LAMP2: variants seen among roughly 807,000 people sequenced by gnomAD.
LAMP2 encodes the protein lysosome associated membrane protein 2.
LAMP2 carries 4 observed loss-of-function variants against 25.6 expected under a neutral mutation model. The observed-to-expected ratio is 0.16, with a 90% confidence interval of 0.08 to 0.36. LAMP2 has a LOEUF of 0.36. LAMP2 is among the 10% of genes least tolerant of loss of function. The pLI, the probability that LAMP2 is intolerant of heterozygous loss-of-function variation, is 1.00. For missense variants in LAMP2, 272 were observed against 301.4 expected (o/e 0.90, Z 0.72); for synonymous variants, 108 against 112.7 (o/e 0.96, Z 0.27).
In LAMP2 at chrX:120,431,282, T is replaced by C. The variant is rs903963937; in HGVS notation, c.*41A>G. The C allele has an allele frequency of 3.3e-6, 4 of 1,205,572 alleles. No homozygotes were observed. Among genetic ancestry groups the C allele is most frequent in the Non-Finnish European group, 4.5e-6 (4 of 891,256 alleles). On this transcript the variant is annotated 3_prime_UTR_variant, in exon 9 of 9. Coordinates refer to ENST00000200639, the MANE Select transcript of LAMP2 (RefSeq NM_002294.3). Reference sequence around the variant, plus strand: ...CAACTGAGAGGTAAGAAAATCTTGTTATTTGCATGTATTTTTATATAATCA... The same window carrying C: ...CAACTGAGAGGTAAGAAAATCTTGTCATTTGCATGTATTTTTATATAATCA...
chrX:120,426,446 T>C lies in LAMP2; in HGVS notation c.*4877A>G. Among the ~76,000 whole-genome samples, 2 of 109,894 alleles carry C rather than the reference T, an allele frequency of 1.8e-5. No homozygotes were observed. The stretch of plus-strand genomic sequence containing the variant: ...AACACTCAGCTCATAGATTTTGAGC[T>C]TCCTTTATCTTATTGGAGTTGAAGC... On this transcript the variant is annotated 3_prime_UTR_variant, in exon 9 of 9. Transcript: ENST00000200639.
At chrX:120,457,156 T>C (rs889497372) in intron 1 of LAMP2, among the ~76,000 whole-genome samples, 7 of 111,620 alleles carry the variant, frequency 6.3e-5, no homozygotes, top group East Asian at 2.8e-4. Flanking sequence ...TTTTAGGCAA[T>C]TACAGTTTGC....
intron 8 of LAMP2, among the ~76,000 whole-genome samples, chrX:120,432,788 G>A (rs1402923000): frequency 2.7e-5 from 3 of 111,145 alleles, no homozygotes; most frequent in Non-Finnish European, 3.8e-5. Context: ...TTTTAGATAT[G>A]TGAGTTTAAG....
At chrX:120,464,516 A>C (rs756561206) in intron 1 of LAMP2, among the ~76,000 whole-genome samples, 1 of 111,606 alleles carries the variant, frequency 9.0e-6, no homozygotes, top group South Asian at 3.7e-4. Context: ...GAAACAAAAA[A>C]GCGTGGAAAA....
rs1178109545 is a variant in LAMP2 at position 120,438,722 on chromosome X, ACACACAC to A, written c.1093+3001_1093+3007del. On this transcript the variant is annotated intron_variant, in intron 8 of 8. Transcript: ENST00000200639. ...CACACACACACACACACACACACACACACACACACAAAAAGAGCAAAAGGAGCAAGTA... is the reference window on the plus strand; with the variant it reads ...CACACACACACACACACACACACACAACAAAAAGAGCAAAAGGAGCAAGTA... 1.6e-3 allele frequency: 1,305 copies of A among 795,218 alleles called. 2 individuals are homozygous for A. The highest frequency in any genetic ancestry group is 1.9e-3 in the Non-Finnish European group (1,251 of 667,763). The allele number at this position is 795,218 out of a possible 1,213,427, so 65.5% of individuals were successfully genotyped here.
At chrX:120,437,620 T>A (rs2058551138) in intron 8 of LAMP2, 2 of 747,645 alleles carry the variant, frequency 2.7e-6, no homozygotes, top group South Asian at 1.4e-4. Flanking sequence ...AATTTGACAA[T>A]TGGTACATCT....
At position 120,431,546 on chromosome X, in the gene LAMP2, C is replaced by A. The variant is rs1446518970; in HGVS notation, c.1094-84G>T. Reference sequence around the variant, plus strand: ...TATTTTGAGTAAAATGACAGCACTTCCTAACACGCATATTTTGGTTTTTTA... The same window carrying A: ...TATTTTGAGTAAAATGACAGCACTTACTAACACGCATATTTTGGTTTTTTA... On this transcript the variant is annotated intron_variant, in intron 8 of 8. Coordinates refer to ENST00000200639, the MANE Select transcript of LAMP2 (RefSeq NM_002294.3). 3 of 934,999 alleles carry A rather than the reference C, an allele frequency of 3.2e-6. No homozygotes were observed. The East Asian group carries it at 9.3e-5, about 29-fold the overall frequency. The allele number at this position is 934,999 out of a possible 1,213,427, so 77.1% of individuals were successfully genotyped here.
intron 3 of LAMP2, among the ~76,000 whole-genome samples, chrX:120,451,971 T>C (rs1164284710): frequency 9.0e-6 from 1 of 111,416 alleles, no homozygotes; most frequent in African/African-American, 3.3e-5. Context: ...TATCCAAATA[T>C]GTCAGATTAA....
rs766396944 is a variant in LAMP2, at chrX:120,431,002, CATGTTA to C, written c.*315_*320del. ...CTACATATTTTATTCTTATAATGGC[CATGTTA>C]ATAAGTTCAAGGCATACTTCAAGGT... is the stretch of plus-strand genomic sequence containing the variant. On this transcript the variant is annotated 3_prime_UTR_variant, in exon 9 of 9. Transcript: ENST00000200639. 329 of 856,035 alleles carry C rather than the reference CATGTTA, an allele frequency of 3.8e-4. No individual in the cohort carries two copies. In the African/African-American group the frequency reaches 5.9e-3, roughly 15 times the overall value. 70.5% of individuals were successfully genotyped at this position (856,035 alleles called of 1,213,427 possible).
rs1209571000 is a variant in LAMP2 at position 120,428,111 on chromosome X, T to C, written c.*3212A>G. The C allele has an allele frequency of 8.5e-6, 1 of 118,261 alleles. No individual in the cohort carries two copies. Among genetic ancestry groups the C allele is most frequent in the Non-Finnish European group, 1.7e-5 (1 of 57,445 alleles). The allele number at this position is 118,261 out of a possible 1,213,427, so 9.7% of individuals were successfully genotyped here. On this transcript the variant is annotated 3_prime_UTR_variant, in exon 9 of 9. Transcript: ENST00000200639. ...AATTTATTTCCTGAAGCAAGTTAAATTCTTTAACACCTTTGATTTTGCAAA... is the reference window on the plus strand; with the variant it reads ...AATTTATTTCCTGAAGCAAGTTAAACTCTTTAACACCTTTGATTTTGCAAA...
rs2058605695 is a variant in LAMP2, at chrX:120,448,011, T to C, written c.571A>G (p.Lys191Glu). ...GGTGCCACTGTTGAAGTTTTGTCTT[T>C]ATCACACAGGAACTCTAAAACAAGC... ...TVSTNEFLCD[K>E]DKTSTVAPTI... The change falls in exon 5 of 9, where the codon AAA becomes GAA. Residue 191 changes from lysine to glutamate, a missense_variant. Physicochemically the swap from Lys to Glu is moderately conservative, Grantham distance 56. Transcript: ENST00000200639. The C allele has an allele frequency of 8.3e-7, 1 of 1,209,906 alleles. No homozygotes were observed. The highest frequency in any genetic ancestry group is 2.2e-5 in the Admixed American group (1 of 45,972).
At chrX:120,450,967 G>T (rs955850919) in intron 3 of LAMP2, among the ~76,000 whole-genome samples, 21 of 108,656 alleles carry the variant, frequency 1.9e-4, no homozygotes, top group Non-Finnish European at 3.6e-4. Context: ...TTGCTCTGTT[G>T]CCCAGGTTGG....
At chrX:120,438,727 C>CAAAAAA (rs1472403677) in intron 8 of LAMP2, 26 of 673,114 alleles carry the variant, frequency 3.9e-5, no homozygotes, top group South Asian at 1.8e-4. Context: ...CACACACACA[C>CAAAAAA]ACACAAAAAG....
At chrX:120,468,994 GC>G in intron 1 of LAMP2, 111 bp downstream of exon 1, 1 of 882,013 alleles carries the variant, frequency 1.1e-6, no homozygotes, top group Non-Finnish European at 1.7e-6. Context: ...CCCAGTGTTA[GC>G]TGCTGAGCCT....
intron 8 of LAMP2, chrX:120,438,636 T>C: frequency 2.6e-6 from 2 of 756,734 alleles, no homozygotes; most frequent in South Asian, 6.6e-5. Flanking sequence ...ATTATATCTC[T>C]CAAAGGTCAA....
At position 120,429,195 on chromosome X, in the gene LAMP2, T is replaced by C; in HGVS notation, c.*2128A>G. The C allele has an allele frequency of 3.3e-5, 25 of 752,010 alleles. No homozygotes were observed. The highest frequency in any genetic ancestry group is 3.9e-5 in the Non-Finnish European group (25 of 638,924). The allele number at this position is 752,010 out of a possible 1,213,427, so 62.0% of individuals were successfully genotyped here. On this transcript the variant is annotated 3_prime_UTR_variant, in exon 9 of 9. Coordinates refer to ENST00000200639, the MANE Select transcript of LAMP2 (RefSeq NM_002294.3). ...ATATATACACACACACACAATTATT[T>C]TTAGCTGAGCGGTGGCCTGGAAGAA...
At chrX:120,450,039 C>A in intron 3 of LAMP2, among the ~76,000 whole-genome samples, 1 of 112,107 alleles carries the variant, frequency 8.9e-6, no homozygotes, top group African/African-American at 3.2e-5. Flanking sequence ...ATGGATTAAT[C>A]ATACATTTGT....
chrX:120,469,321 T>A (rs775484817), upstream of LAMP2: 1 of 526,480 alleles, frequency 1.9e-6, no homozygotes. Context: ...TCAGTGCGAG[T>A]CATAAGACTA....
chrX:120,436,550 A>T (rs2058545585), intron 8 of LAMP2: 3 of 732,102 alleles, frequency 4.1e-6, no homozygotes, highest in Non-Finnish European at 4.9e-6. Flanking sequence ...GAGCAAACAG[A>T]CAGGCAAATA....
Sources: allele counts gnomAD v4.1 joint callset (sites outside exome capture counted in the v4.1 genomes callset), GRCh38; gene constraint gnomAD v4.1.1; transcripts MANE v1.5; gene names NCBI Gene and HGNC (gene_info 2026-07-23, HGNC 2026-07-21).